Variants in FSIP1 observed in about 807,000 individuals in gnomAD.
FSIP1 encodes fibrous sheath-interacting protein 1.
A neutral mutation model predicts 60.9 loss-of-function variants in FSIP1; 65 were observed. The ratio of observed to expected loss-of-function variants is 1.07; its 90% CI spans 0.87 to 1.31. FSIP1 has a LOEUF of 1.31. Among genes scored for constraint, FSIP1 ranks in the 40% most tolerant of loss-of-function variants. The pLI is 0.00. For missense variants in FSIP1, 675 were observed against 665.5 expected (o/e 1.01, Z -0.16); for synonymous variants, 209 against 221.2 (o/e 0.94, Z 0.49).
intron 8 of FSIP1, among the ~76,000 whole-genome samples, chr15:39,736,102 G>C (rs1182316334): frequency 6.6e-6 from 1 of 152,198 alleles, no homozygotes; most frequent in Non-Finnish European, 1.5e-5. Context: ...GGTGTCACTA[G>C]GTGACAGGAA....
At chr15:39,668,065 C>T (rs542406386) in intron 10 of FSIP1, among the ~76,000 whole-genome samples, 3 of 152,062 alleles carry the variant, frequency 2.0e-5, no homozygotes, top group Non-Finnish European at 4.4e-5. Flanking sequence ...AGTGGCTGGC[C>T]TATTGCAGTA....
intron 9 of FSIP1, among the ~76,000 whole-genome samples, chr15:39,720,470 G>A (rs1895909352): frequency 2.0e-5 from 3 of 152,018 alleles, no homozygotes; most frequent in East Asian, 1.9e-4. Context: ...TCCTGTCAAG[G>A]AGAGCCATTT....
At position 39,652,400 on chromosome 15, in the gene FSIP1, TGTTA is replaced by T. The variant is rs1892907424; in HGVS notation, c.1189-34159_1189-34156del. ...ATTTGCTACATTCAGAGCAGTACTTTGTTAGTTATATTTTGAACTTGCATCTGTA... is the reference window on the plus strand; with the variant it reads ...ATTTGCTACATTCAGAGCAGTACTTTGTTATATTTTGAACTTGCATCTGTA... On this transcript the variant is annotated intron_variant, in intron 10 of 11. Transcript: ENST00000350221. Among the ~76,000 whole-genome samples, 6 of 152,228 alleles carry T rather than the reference TGTTA, an allele frequency of 3.9e-5. No homozygotes were observed. In the South Asian group the frequency reaches 1.2e-3, roughly 32 times the overall value.
intron 10 of FSIP1, among the ~76,000 whole-genome samples, chr15:39,705,602 A>C (rs1330082765): frequency 1.3e-5 from 2 of 152,198 alleles, no homozygotes; most frequent in Non-Finnish European, 2.9e-5. Flanking sequence ...GATGGTTGTT[A>C]GTATATATGC....
chr15:39,758,971 A>C (rs899231124), intron 5 of FSIP1, among the ~76,000 whole-genome samples: 1 of 152,140 alleles, frequency 6.6e-6, no homozygotes, highest in African/African-American at 2.4e-5. Context: ...CTGGTTAGCA[A>C]ATTGGGGGAA....
Position 39,625,309 on chromosome 15 carries a change from G to T in FSIP1, c.1189-7064C>A, listed in dbSNP as rs147495378. ...GGTGGGCTGCCAGCGGGACCCCAGT[G>T]TGTAAGTTAGGGATGAGCATGGATC... On this transcript the variant is annotated intron_variant, in intron 10 of 11. Transcript: ENST00000350221. 4.5e-3 allele frequency among the ~76,000 whole-genome samples: 685 copies of T among 152,300 alleles called. 4 individuals carry two copies. The highest frequency in any genetic ancestry group is 0.016 in the African/African-American group (655 of 41,568).
intron 5 of FSIP1, among the ~76,000 whole-genome samples, chr15:39,756,493 T>C (rs1358306297): frequency 6.6e-6 from 1 of 152,024 alleles, no homozygotes; most frequent in East Asian, 1.9e-4. Flanking sequence ...AGCCTCCTGA[T>C]GCTTGGCTAA....
At chr15:39,640,473 C>G (rs914423093) in intron 10 of FSIP1, among the ~76,000 whole-genome samples, 4 of 152,090 alleles carry the variant, frequency 2.6e-5, no homozygotes, top group Admixed American at 6.5e-5. Flanking sequence ...ACACATGAAC[C>G]ATCTAATTCA....
chr15:39,724,995 G>C (rs1369380946), intron 9 of FSIP1, among the ~76,000 whole-genome samples: 2 of 152,184 alleles, frequency 1.3e-5, no homozygotes, highest in African/African-American at 4.8e-5. Flanking sequence ...CACTTTGGGA[G>C]GCAAAGGCAG....
intron 10 of FSIP1, among the ~76,000 whole-genome samples, chr15:39,639,446 C>T (rs1292293956): frequency 6.6e-6 from 1 of 151,482 alleles, no homozygotes; most frequent in Non-Finnish European, 1.5e-5. Flanking sequence ...TAGTTCAAGG[C>T]GATAAAAGCA....
intron 10 of FSIP1, among the ~76,000 whole-genome samples, chr15:39,656,154 G>C (rs1718872624): frequency 6.6e-6 from 1 of 152,074 alleles, no homozygotes; most frequent in East Asian, 1.9e-4. Context: ...TAGGGAGTGA[G>C]TGGAGGCTGT....
intron 10 of FSIP1, among the ~76,000 whole-genome samples, chr15:39,701,345 A>C (rs1271371898): frequency 1.3e-5 from 2 of 152,190 alleles, no homozygotes; most frequent in Non-Finnish European, 2.9e-5. Flanking sequence ...ATTGGCAAAA[A>C]AATAATATTC....
At chr15:39,638,062 T>C (rs183301115) in intron 10 of FSIP1, among the ~76,000 whole-genome samples, 42 of 152,360 alleles carry the variant, frequency 2.8e-4, no homozygotes, top group African/African-American at 9.4e-4. Context: ...AATCTGGAAA[T>C]AATACTCTTG....
At chr15:39,712,993 G>A (rs141065882) in intron 10 of FSIP1, among the ~76,000 whole-genome samples, 1 of 152,264 alleles carries the variant, frequency 6.6e-6, no homozygotes, top group African/African-American at 2.4e-5. Flanking sequence ...TTGTGTCACT[G>A]TCAGAATATT....
At chr15:39,628,971 A>G (rs1891762240) in intron 10 of FSIP1, among the ~76,000 whole-genome samples, 1 of 152,232 alleles carries the variant, frequency 6.6e-6, no homozygotes, top group Non-Finnish European at 1.5e-5. Flanking sequence ...AGCTCAATCA[A>G]TGCTGGAACA....
intron 9 of FSIP1, among the ~76,000 whole-genome samples, chr15:39,717,708 A>G (rs1199293107): frequency 1.3e-5 from 2 of 152,194 alleles, no homozygotes; most frequent in East Asian, 3.8e-4. Flanking sequence ...ATCTCTTGAA[A>G]TGGCCCCATA....
chr15:39,703,633 G>C (rs887645874), intron 10 of FSIP1, among the ~76,000 whole-genome samples: 1 of 151,938 alleles, frequency 6.6e-6, no homozygotes, highest in African/African-American at 2.4e-5. Context: ...ATCCATGCAG[G>C]GCTTAAAACC....
At chr15:39,669,033 T>C (rs1422303230) in intron 10 of FSIP1, among the ~76,000 whole-genome samples, 1 of 152,192 alleles carries the variant, frequency 6.6e-6, no homozygotes, top group Non-Finnish European at 1.5e-5. Context: ...TTCTAAGCAG[T>C]AGACACAGAG....
intron 10 of FSIP1, among the ~76,000 whole-genome samples, chr15:39,658,591 A>G (rs528245293): frequency 3.3e-5 from 5 of 152,326 alleles, no homozygotes; most frequent in Non-Finnish European, 7.4e-5. Context: ...AAGATAACTT[A>G]AGTTTGCCTA....
Sources: gnomAD v4.1 joint callset for allele counts (sites outside exome capture counted in the v4.1 genomes callset) on GRCh38, gnomAD v4.1.1 for gene constraint, MANE v1.5 for transcripts, NCBI Gene and HGNC (gene_info 2026-07-23, HGNC 2026-07-21) for gene names.